Variants in SHC3 observed in about 807,000 individuals in gnomAD.
SHC3 encodes the protein SHC-transforming protein 3.
A neutral mutation model predicts 60.4 loss-of-function variants in SHC3; 15 were observed. That is an observed-to-expected ratio of 0.25 (90% CI 0.17 to 0.38). The LOEUF is 0.38. SHC3 is among the 10% of genes least tolerant of loss of function. The pLI is 1.00. For missense variants in SHC3, 677 were observed against 786.1 expected, an observed-to-expected ratio of 0.86 and a Z score of 1.66; for synonymous variants, 294 against 325.9, an observed-to-expected ratio of 0.90 and a Z score of 1.05.
chr9:89,033,894 G>A (rs1238129966), intron 11 of SHC3, among the ~76,000 whole-genome samples: 2 of 152,178 alleles, frequency 1.3e-5, no homozygotes, highest in African/African-American at 2.4e-5. Context: ...CTCATCTTAA[G>A]AGGTGAGCAA....
At chr9:89,019,377 G>A (rs1365378792) in intron 11 of SHC3, among the ~76,000 whole-genome samples, 1 of 151,964 alleles carries the variant, frequency 6.6e-6, no homozygotes, top group Non-Finnish European at 1.5e-5. Flanking sequence ...TGTGGCCTGT[G>A]GTCAGAAGGC....
intron 1 of SHC3, among the ~76,000 whole-genome samples, chr9:89,172,607 G>C (rs116203246): frequency 1.1e-3 from 161 of 150,874 alleles, no homozygotes; most frequent in African/African-American, 3.9e-3. Context: ...ACACACACAC[G>C]ATGGTCAACA....
intron 11 of SHC3, among the ~76,000 whole-genome samples, chr9:89,016,526 TA>T (rs1826096801): frequency 6.6e-6 from 1 of 152,056 alleles, no homozygotes; most frequent in Admixed American, 6.6e-5. Context: ...ATTGAACCAA[TA>T]ATTAATAACC....
chr9:89,107,288 T>C (rs1451387876), intron 2 of SHC3, among the ~76,000 whole-genome samples: 1 of 152,220 alleles, frequency 6.6e-6, no homozygotes, highest in Admixed American at 6.5e-5. Context: ...ATCCCATGAC[T>C]GCAGTAAGTA....
At chr9:89,086,197 C>T (rs1468181234) in intron 2 of SHC3, among the ~76,000 whole-genome samples, 1 of 152,196 alleles carries the variant, frequency 6.6e-6, no homozygotes, top group African/African-American at 2.4e-5. Flanking sequence ...GCTGGGTGTC[C>T]TCCAATTCAG....
chr9:89,064,166 T>C (rs776202829), intron 6 of SHC3, among the ~76,000 whole-genome samples: 15 of 152,344 alleles, frequency 9.8e-5, no homozygotes, highest in East Asian at 3.9e-4. Context: ...TCACCTTCAA[T>C]TGGGGCCTTT....
intron 1 of SHC3, among the ~76,000 whole-genome samples, chr9:89,120,850 A>T (rs980962476): frequency 1.3e-5 from 2 of 151,750 alleles, no homozygotes; most frequent in African/African-American, 4.8e-5. Flanking sequence ...GGAAAAAATT[A>T]ATTATTTAAA....
intron 3 of SHC3, among the ~76,000 whole-genome samples, chr9:89,075,994 T>C (rs757225029): frequency 4.6e-5 from 7 of 152,128 alleles, no homozygotes; most frequent in Non-Finnish European, 7.4e-5. Context: ...TCTTTTGATA[T>C]GCTAATTAGT....
chr9:89,165,031 T>C (rs1326503918), intron 1 of SHC3, among the ~76,000 whole-genome samples: 1 of 152,226 alleles, frequency 6.6e-6, no homozygotes, highest in Non-Finnish European at 1.5e-5. Flanking sequence ...AATTAGAAAC[T>C]GTCTACCTGT....
At position 89,007,768 on chromosome 9, in the gene SHC3, C is replaced by T. The variant is rs1482798397; in HGVS notation, c.*5679G>A. The T allele has an allele frequency of 2.0e-5, 3 of 152,404 alleles. No individual in the cohort carries two copies. Among genetic ancestry groups the T allele is most frequent in the African/African-American group, 7.2e-5 (3 of 41,456 alleles). The allele number at this position is 152,404 out of a possible 1,614,324, so 9.4% of individuals were successfully genotyped here. A position where few individuals can be genotyped will look rare whatever the true frequency, so the allele number is the denominator to read the frequency against. On this transcript the variant is annotated 3_prime_UTR_variant, in exon 12 of 12. Coordinates refer to ENST00000375835, the MANE Select transcript of SHC3 (RefSeq NM_016848.6). ...TGCCTCCACCTTCTTCTTTCTTTGT[C>T]TTCCCCCACTGGCTTCTCTGTCATT...
chr9:89,086,515 C>T (rs1041283763), intron 2 of SHC3, among the ~76,000 whole-genome samples: 1 of 152,210 alleles, frequency 6.6e-6, no homozygotes, highest in Admixed American at 6.5e-5. Flanking sequence ...GGATGTGACG[C>T]CCTAGAGAGG....
intron 2 of SHC3, among the ~76,000 whole-genome samples, chr9:89,079,208 CT>C (rs1464819613): frequency 6.6e-6 from 1 of 152,210 alleles, no homozygotes; most frequent in African/African-American, 2.4e-5. Flanking sequence ...AATATTCTAA[CT>C]GTGTTTCTAT....
intron 11 of SHC3, among the ~76,000 whole-genome samples, chr9:89,016,342 G>A (rs1826093188): frequency 6.6e-6 from 1 of 152,106 alleles, no homozygotes; most frequent in Non-Finnish European, 1.5e-5. Flanking sequence ...CCCAACATAT[G>A]ATAGGTTTAT....
At chr9:89,177,620 C>A (rs1478616869) in intron 1 of SHC3, among the ~76,000 whole-genome samples, 4 of 152,188 alleles carry the variant, frequency 2.6e-5, no homozygotes, top group African/African-American at 9.6e-5. Flanking sequence ...CAGCTCTCCC[C>A]AGCGCGTTTC....
Position 89,013,196 on chromosome 9 carries a change from T to C in SHC3, c.*251A>G. 1 of 312,158 alleles carries C rather than the reference T, an allele frequency of 3.2e-6. No homozygotes were observed. Among genetic ancestry groups the C allele is most frequent in the Non-Finnish European group, 5.7e-6 (1 of 174,176 alleles). The allele number at this position is 312,158 out of a possible 1,614,324, so 19.3% of individuals were successfully genotyped here. A position where few individuals can be genotyped will look rare whatever the true frequency, so the allele number is the denominator to read the frequency against. ...GCACAGAACATTAGTCTTACATCTT[T>C]CTTAGTCTTAAAAAATATAAATATA... On this transcript the variant is annotated 3_prime_UTR_variant, in exon 12 of 12. Coordinates refer to ENST00000375835, the MANE Select transcript of SHC3 (RefSeq NM_016848.6).
intron 1 of SHC3, among the ~76,000 whole-genome samples, chr9:89,137,578 A>C (rs1587747542): frequency 6.6e-6 from 1 of 152,170 alleles, no homozygotes; most frequent in East Asian, 1.9e-4. Context: ...ATATTAGCAA[A>C]CTGCACTATT....
At chr9:89,031,699 T>C (rs1040421866) in intron 11 of SHC3, among the ~76,000 whole-genome samples, 2 of 152,230 alleles carry the variant, frequency 1.3e-5, no homozygotes, top group Non-Finnish European at 2.9e-5. Context: ...ACTATAACTA[T>C]GTGTGCACAA....
At chr9:89,071,696 G>A (rs1307364646) in intron 4 of SHC3, among the ~76,000 whole-genome samples, 3 of 152,084 alleles carry the variant, frequency 2.0e-5, no homozygotes, top group South Asian at 2.1e-4. Context: ...CCAGATGTTT[G>A]CCTAATTAAT....
chr9:89,098,514 C>A (rs1203261945), intron 2 of SHC3, among the ~76,000 whole-genome samples: 1 of 152,096 alleles, frequency 6.6e-6, no homozygotes, highest in Non-Finnish European at 1.5e-5. Context: ...TCAAATAGTT[C>A]AGAAAAAAAT....
Sources: allele counts gnomAD v4.1 joint callset (sites outside exome capture counted in the v4.1 genomes callset), GRCh38; gene constraint gnomAD v4.1.1; transcripts MANE v1.5; gene names NCBI Gene and HGNC (gene_info 2026-07-23, HGNC 2026-07-21).